CRKL: variants seen among roughly 807,000 people sequenced by gnomAD.
The protein encoded by CRKL is CRK like proto-oncogene, adaptor protein.
Under a neutral mutation model 23.0 loss-of-function variants are expected in CRKL, and 3 were observed. The observed-to-expected ratio is 0.13, with a 90% CI of 0.06 to 0.34. CRKL has a LOEUF of 0.34. Among genes scored for constraint, CRKL ranks in the 10% least tolerant of loss-of-function variants. CRKL has a pLI of 1.00. For missense variants in CRKL, 256 were observed against 394.5 expected, an observed-to-expected ratio of 0.65 and a Z score of 2.97; for synonymous variants, 188 against 160.7, an observed-to-expected ratio of 1.17 and a Z score of -1.28.
intron 2 of CRKL, among the ~76,000 whole-genome samples, chr22:20,938,191 A>G (rs567000902): frequency 4.6e-5 from 7 of 152,322 alleles, no homozygotes; most frequent in African/African-American, 1.7e-4. Flanking sequence ...ATTCCCCTAG[A>G]TAGTATTACA....
At chr22:20,941,505 GTGTT>G (rs1921867486) in intron 2 of CRKL, among the ~76,000 whole-genome samples, 1 of 39,844 alleles carries the variant, frequency 2.5e-5, no homozygotes, top group Non-Finnish European at 5.7e-5. Context: ...ATACATATGT[GTGTT>G]TGTGTATGTG....
At chr22:20,925,556 C>A (rs899112822) in intron 1 of CRKL, among the ~76,000 whole-genome samples, 5 of 152,196 alleles carry the variant, frequency 3.3e-5, no homozygotes, top group African/African-American at 1.2e-4. Context: ...TATTTTAATT[C>A]TTTCAGATAA....
chr22:20,947,415 C>A (rs1922104098), intron 2 of CRKL, among the ~76,000 whole-genome samples: 1 of 151,236 alleles, frequency 6.6e-6, no homozygotes, highest in African/African-American at 2.4e-5. Context: ...TCACTGCAAC[C>A]TCCACCTCCC....
In CRKL at chr22:20,953,266, G is replaced by A. The variant is rs1219743632; in HGVS notation, c.*3421G>A. 1.7e-5 allele frequency: 4 copies of A among 231,246 alleles called. No homozygotes were observed. Among genetic ancestry groups the A allele is most frequent in the Middle Eastern group, 1.3e-3 (1 of 794 alleles). 14.3% of individuals were successfully genotyped at this position (231,246 alleles called of 1,614,324 possible). On this transcript the variant is annotated 3_prime_UTR_variant, in exon 3 of 3. Coordinates refer to ENST00000354336, the MANE Select transcript of CRKL (RefSeq NM_005207.4). ...GCTCTGCCTCAACTCCACCCTCTGC[G>A]ACCGGAGGACTATGCCCCTAGTAAC...
chr22:20,923,824 C>G (rs548952567), intron 1 of CRKL, among the ~76,000 whole-genome samples: 1 of 151,458 alleles, frequency 6.6e-6, no homozygotes, highest in East Asian at 1.9e-4. Flanking sequence ...GGGATCTGCT[C>G]GCCTCGGCCT....
At chr22:20,944,139 C>CTTTTTTTTTTTT (rs57177824) in intron 2 of CRKL, among the ~76,000 whole-genome samples, 38 of 105,834 alleles carry the variant, frequency 3.6e-4, no homozygotes, top group African/African-American at 5.9e-4. Context: ...GTAGTATTAG[C>CTTTTTTTTTTTT]TTTTTTTTTT....
chr22:20,918,271 G>A (rs1275052731), intron 1 of CRKL, 26 bp downstream of exon 1: 1 of 1,609,034 alleles, frequency 6.2e-7, no homozygotes, highest in South Asian at 1.1e-5. Context: ...CCCCGACCGC[G>A]GAGGAAGGTC....
chr22:20,925,688 A>G (rs1402170379), intron 1 of CRKL, among the ~76,000 whole-genome samples: 2 of 152,238 alleles, frequency 1.3e-5, no homozygotes, highest in Non-Finnish European at 2.9e-5. Flanking sequence ...AATGAACGTG[A>G]CAAGAACAGT....
At chr22:20,945,597 G>A (rs1601685842) in intron 2 of CRKL, among the ~76,000 whole-genome samples, 1 of 152,172 alleles carries the variant, frequency 6.6e-6, no homozygotes, top group East Asian at 1.9e-4. Flanking sequence ...CAAGTCTTCA[G>A]TATTAAAACC....
chr22:20,936,419 G>A (rs1406852106), intron 2 of CRKL, among the ~76,000 whole-genome samples: 2 of 152,042 alleles, frequency 1.3e-5, no homozygotes, highest in African/African-American at 2.4e-5. Context: ...CACGATCTCG[G>A]TTCACTGCAA....
At position 20,918,424 on chromosome 22, in the gene CRKL, G is replaced by A. The variant is rs546112596; in HGVS notation, c.311+179G>A. On this transcript the variant is annotated intron_variant, in intron 1 of 2. Transcript: ENST00000354336. The stretch of plus-strand genomic sequence containing the variant: ...TCAGGATCTGGGTCACTGGATAAGA[G>A]GATGCGTTTTTTTTTTTTCCCTCTC... Among the ~76,000 whole-genome samples, 60 of 73,186 alleles carry A rather than the reference G, an allele frequency of 8.2e-4. 1 individual carries two copies. Among genetic ancestry groups the A allele is most frequent in the African/African-American group, 2.9e-3 (56 of 18,988 alleles). 48.0% of individuals were successfully genotyped at this position (73,186 alleles called of 152,430 possible).
intron 2 of CRKL, among the ~76,000 whole-genome samples, chr22:20,939,717 T>G (rs1921795404): frequency 6.6e-6 from 1 of 152,064 alleles, no homozygotes; most frequent in Admixed American, 6.6e-5. Flanking sequence ...TTGTCCCTCT[T>G]GAGTTTTGTA....
chr22:20,940,128 A>G lies in CRKL; in HGVS notation c.777+5884A>G, dbSNP rs1185135330. On this transcript the variant is annotated intron_variant, in intron 2 of 2. Coordinates refer to ENST00000354336, the MANE Select transcript of CRKL (RefSeq NM_005207.4). ...AAATCCTGGTTATGTCATCTAGCAT[A>G]TTCATTACCCTCCAGTTTCCTAACT... Among the ~76,000 whole-genome samples, 3 of 152,260 alleles carry G rather than the reference A, an allele frequency of 2.0e-5. No homozygotes were observed. The South Asian group carries it at 6.2e-4, about 32-fold the overall frequency.
At chr22:20,941,480 C>T (rs1005283193) in intron 2 of CRKL, among the ~76,000 whole-genome samples, 3 of 142,060 alleles carry the variant, frequency 2.1e-5, no homozygotes, top group Non-Finnish European at 3.0e-5. Flanking sequence ...AGAATATTCT[C>T]GTATTTAAAA....
At chr22:20,941,432 A>G (rs1848814829) in intron 2 of CRKL, among the ~76,000 whole-genome samples, 1 of 151,104 alleles carries the variant, frequency 6.6e-6, no homozygotes, top group Non-Finnish European at 1.5e-5. Flanking sequence ...CCTTGACTAT[A>G]ATACCATGCA....
chr22:20,948,611 T>C (rs144516835), intron 2 of CRKL, among the ~76,000 whole-genome samples: 60 of 152,316 alleles, frequency 3.9e-4, no homozygotes, highest in East Asian at 2.7e-3. Context: ...TTGTTTGGTG[T>C]CCTGCATGCT....
chr22:20,926,096 C>T (rs570732203), intron 1 of CRKL, among the ~76,000 whole-genome samples: 3 of 152,116 alleles, frequency 2.0e-5, no homozygotes, highest in Non-Finnish European at 2.9e-5. Context: ...AACAAGTATA[C>T]GAGGTAGAAG....
chr22:20,923,523 C>T (rs112505593), intron 1 of CRKL, among the ~76,000 whole-genome samples: 17 of 151,176 alleles, frequency 1.1e-4, no homozygotes, highest in East Asian at 5.9e-4. Context: ...GTGAACCGCC[C>T]GCCTGGGCCT....
intron 1 of CRKL, among the ~76,000 whole-genome samples, chr22:20,931,878 C>G (rs1009027171): frequency 1.3e-5 from 2 of 152,160 alleles, no homozygotes; most frequent in Admixed American, 6.6e-5. Context: ...GTGGTGCAAT[C>G]TTGGCTCACT....
Sources: gnomAD v4.1 joint callset for allele counts (sites outside exome capture counted in the v4.1 genomes callset) on GRCh38, gnomAD v4.1.1 for gene constraint, MANE v1.5 for transcripts, NCBI Gene and HGNC (gene_info 2026-07-23, HGNC 2026-07-21) for gene names.